The following CNTNAP2 variants were observed in gnomAD, a reference collection of about 807,000 sequenced individuals.
CNTNAP2 encodes contactin-associated protein-like 2.
In CNTNAP2, 98 loss-of-function variants were observed where a neutral mutation model predicts 155.2. The observed-to-expected ratio is 0.63, with a 90% CI of 0.54 to 0.75. The LOEUF is 0.75. Ranked by LOEUF, CNTNAP2 falls within the 30% of genes least tolerant of loss-of-function variation. The pLI, the probability that CNTNAP2 is intolerant of heterozygous loss-of-function variation, is 0.00. For missense variants in CNTNAP2, 1,727 were observed against 1,688.1 expected (o/e 1.02, Z -0.40); for synonymous variants, 651 against 631.2 (o/e 1.03, Z -0.47).
intron 5 of CNTNAP2, among the ~76,000 whole-genome samples, chr7:147,115,875 G>T: frequency 6.6e-6 from 1 of 152,112 alleles, no homozygotes; most frequent in African/African-American, 2.4e-5. Context: ...GCAATCATTT[G>T]GAGGAAAAGG....
intron 21 of CNTNAP2, among the ~76,000 whole-genome samples, chr7:148,344,266 T>C (rs1798282931): frequency 6.6e-6 from 1 of 152,160 alleles, no homozygotes; most frequent in Non-Finnish European, 1.5e-5. Flanking sequence ...GTTGATAATA[T>C]GGAGAGCAAA....
chr7:146,443,978 C>T (rs182895463), intron 1 of CNTNAP2, among the ~76,000 whole-genome samples: 15 of 152,164 alleles, frequency 9.9e-5, no homozygotes, highest in Admixed American at 9.2e-4. Context: ...AATCCATATC[C>T]CATTTTCTCA....
intron 3 of CNTNAP2, among the ~76,000 whole-genome samples, chr7:146,955,316 C>T (rs939437999): frequency 1.3e-5 from 2 of 151,902 alleles, no homozygotes; most frequent in Admixed American, 1.3e-4. Context: ...GACTGTTTAT[C>T]CCTGTAGTTG....
At chr7:146,853,164 T>C (rs1794913553) in intron 3 of CNTNAP2, among the ~76,000 whole-genome samples, 3 of 152,106 alleles carry the variant, frequency 2.0e-5, no homozygotes, top group Admixed American at 2.0e-4. Context: ...ATCCAATGAG[T>C]TTTTCACATG....
chr7:146,727,573 C>T (rs777231762), intron 1 of CNTNAP2, among the ~76,000 whole-genome samples: 2 of 152,138 alleles, frequency 1.3e-5, no homozygotes, highest in Non-Finnish European at 2.9e-5. Flanking sequence ...TGGATAGCCT[C>T]GTTGTGATTC....
intron 11 of CNTNAP2, among the ~76,000 whole-genome samples, chr7:147,509,709 A>G (rs749269922): frequency 3.1e-4 from 47 of 152,158 alleles, no homozygotes; most frequent in Non-Finnish European, 5.7e-4. Flanking sequence ...AACTTCAGGG[A>G]CAGAAAAGCT....
intron 10 of CNTNAP2, among the ~76,000 whole-genome samples, chr7:147,475,460 TG>T (rs1207974932): frequency 1.3e-5 from 2 of 152,146 alleles, no homozygotes; most frequent in African/African-American, 4.8e-5. Flanking sequence ...AAAAGTTATG[TG>T]TTTTTTTTTC....
At chr7:147,316,871 A>G (rs1795243060) in intron 9 of CNTNAP2, among the ~76,000 whole-genome samples, 1 of 152,218 alleles carries the variant, frequency 6.6e-6, no homozygotes, top group Non-Finnish European at 1.5e-5. Context: ...ATTAAATGGT[A>G]TACAAAAAGG....
At chr7:147,035,537 G>A (rs566451127) in intron 3 of CNTNAP2, among the ~76,000 whole-genome samples, 2 of 152,310 alleles carry the variant, frequency 1.3e-5, no homozygotes, top group Admixed American at 6.5e-5. Context: ...ATGCCACAGA[G>A]TCATTTTATG....
rs1584932606 is a variant in CNTNAP2 at position 147,742,570 on chromosome 7, A to G, written c.2098+103264A>G. On this transcript the variant is annotated intron_variant, in intron 13 of 23. Coordinates refer to ENST00000361727, the MANE Select transcript of CNTNAP2 (RefSeq NM_014141.6). ...TTTTCTCTGCAATATTCTTCTCTTT[A>G]ATGCAACTATAAATTCCCAGAACAT... 3.3e-5 allele frequency among the ~76,000 whole-genome samples: 5 copies of G among 152,298 alleles called. No homozygotes were observed. The East Asian group carries it at 5.8e-4, about 18-fold the overall frequency.
intron 1 of CNTNAP2, among the ~76,000 whole-genome samples, chr7:146,540,250 C>G (rs1420400521): frequency 6.6e-6 from 1 of 151,976 alleles, no homozygotes; most frequent in Non-Finnish European, 1.5e-5. Context: ...AATATAGGGT[C>G]AGAGAATGGT....
In CNTNAP2 at chr7:147,853,980, A is replaced by T. The variant is rs950186292; in HGVS notation, c.2099-49585A>T. Reference sequence around the variant, plus strand: ...AGAAAAATTATCTCACGGTTTTTAAAAATGGCGTTCAAAATTCAGAGAGAA... The same window carrying T: ...AGAAAAATTATCTCACGGTTTTTAATAATGGCGTTCAAAATTCAGAGAGAA... On this transcript the variant is annotated intron_variant, in intron 13 of 23. Transcript: ENST00000361727. Among the ~76,000 whole-genome samples, 3 of 152,208 alleles carry T rather than the reference A, an allele frequency of 2.0e-5. 1 individual carries two copies. Among genetic ancestry groups the T allele is most frequent in the Admixed American group, 2.0e-4 (3 of 15,276 alleles).
At chr7:147,017,045 A>AG (rs1798738081) in intron 3 of CNTNAP2, among the ~76,000 whole-genome samples, 2 of 151,618 alleles carry the variant, frequency 1.3e-5, no homozygotes, top group Admixed American at 1.3e-4. Context: ...AAAAAAAAAA[A>AG]GAAATCAATG....
At chr7:146,910,838 C>G (rs1484822856) in intron 3 of CNTNAP2, among the ~76,000 whole-genome samples, 1 of 149,380 alleles carries the variant, frequency 6.7e-6, no homozygotes, top group East Asian at 1.9e-4. Context: ...TTCTGCACAG[C>G]AAAAGAAACT....
chr7:147,461,990 T>G (rs1798033801), intron 10 of CNTNAP2, among the ~76,000 whole-genome samples: 1 of 152,208 alleles, frequency 6.6e-6, no homozygotes, highest in African/African-American at 2.4e-5. Flanking sequence ...CTCCCAGTTT[T>G]ACTTTCAAAG....
chr7:146,356,587 C>G lies in CNTNAP2; in HGVS notation c.97+239614C>G, dbSNP rs184005191. On this transcript the variant is annotated intron_variant, in intron 1 of 23. Transcript: ENST00000361727. ...CAATACAAAGTAAATTCTTTCACCTCAATTTGAATGTGAAGTAAGATTAAT... is the reference window on the plus strand; with the variant it reads ...CAATACAAAGTAAATTCTTTCACCTGAATTTGAATGTGAAGTAAGATTAAT... 5.3e-5 allele frequency among the ~76,000 whole-genome samples: 8 copies of G among 152,184 alleles called. No homozygotes were observed. The East Asian group carries it at 1.5e-3, about 29-fold the overall frequency.
intron 22 of CNTNAP2, among the ~76,000 whole-genome samples, chr7:148,386,817 G>C (rs576534780): frequency 6.6e-6 from 1 of 152,248 alleles, no homozygotes; most frequent in African/African-American, 2.4e-5. Context: ...GCATATAGGA[G>C]CTTGAAAAAG....
At chr7:147,319,202 A>C (rs939974568) in intron 9 of CNTNAP2, among the ~76,000 whole-genome samples, 2 of 152,162 alleles carry the variant, frequency 1.3e-5, no homozygotes, top group Admixed American at 6.6e-5. Flanking sequence ...AAAAGGCTTT[A>C]TATTGCATCA....
intron 2 of CNTNAP2, among the ~76,000 whole-genome samples, chr7:146,799,821 G>C (rs1421123693): frequency 1.3e-5 from 2 of 151,966 alleles, no homozygotes; most frequent in Non-Finnish European, 2.9e-5. Flanking sequence ...TTTTAAAATG[G>C]GGATCACTTT....
Sources: gnomAD v4.1 joint callset for allele counts (sites outside exome capture counted in the v4.1 genomes callset) on GRCh38, gnomAD v4.1.1 for gene constraint, MANE v1.5 for transcripts, NCBI Gene and HGNC (gene_info 2026-07-23, HGNC 2026-07-21) for gene names.